Variants in MMP16 observed in about 807,000 individuals in gnomAD.
The protein encoded by MMP16 is matrix metalloproteinase-16.
A neutral mutation model predicts 67.8 loss-of-function variants in MMP16; 12 were observed. The observed-to-expected ratio is 0.18, with a 90% CI of 0.11 to 0.29. MMP16 has a LOEUF of 0.29. Among genes scored for constraint, MMP16 ranks in the 10% least tolerant of loss-of-function variants. The pLI is 1.00. For missense variants in MMP16, 475 were observed against 765.7 expected (o/e 0.62, Z 4.48); for synonymous variants, 249 against 255.9 (o/e 0.97, Z 0.26).
At chr8:88,254,248 G>A (rs1468739849) in intron 1 of MMP16, among the ~76,000 whole-genome samples, 3 of 152,054 alleles carry the variant, frequency 2.0e-5, no homozygotes, top group African/African-American at 7.2e-5. Context: ...TTATAAATGG[G>A]AGCTAAATGA....
rs529062970 is a variant in MMP16 at position 88,277,550 on chromosome 8, G to A, written c.132+49525C>T. 5.3e-5 allele frequency among the ~76,000 whole-genome samples: 8 copies of A among 152,192 alleles called. No individual in the cohort carries two copies. The South Asian group carries it at 6.2e-4, about 12-fold the overall frequency. ...CGACTATAGCTGAAACTGTGCTGCCGGCAGCTGTAATGGTTATTTTGAAAA... is the reference window on the plus strand; with the variant it reads ...CGACTATAGCTGAAACTGTGCTGCCAGCAGCTGTAATGGTTATTTTGAAAA... On this transcript the variant is annotated intron_variant, in intron 1 of 9. Coordinates refer to ENST00000286614, the MANE Select transcript of MMP16 (RefSeq NM_005941.5).
At chr8:88,304,992 A>C (rs941418601) in intron 1 of MMP16, among the ~76,000 whole-genome samples, 1 of 152,192 alleles carries the variant, frequency 6.6e-6, no homozygotes, top group African/African-American at 2.4e-5. Flanking sequence ...CAATTAAAAA[A>C]CACAGAATGA....
At position 88,167,873 on chromosome 8, in the gene MMP16, C is replaced by G; in HGVS notation, c.505G>C (p.Glu169Gln). 1 of 1,614,010 alleles carries G rather than the reference C, an allele frequency of 6.2e-7. No homozygotes were observed. The highest frequency in any genetic ancestry group is 8.5e-7 in the Non-Finnish European group (1 of 1,179,974). ...WQNVTPLTFEEVPYSELENGK... is the reference protein window; with the variant it reads ...WQNVTPLTFEQVPYSELENGK... ...TTTTCTAATTCACTGTAGGGAACTT[C>G]TTCAAATGTCAGAGGAGTTACATTC... Residue 169 changes from glutamate to glutamine, a missense_variant, in exon 4 of 10, where the codon GAA (glutamate) becomes CAA (glutamine). Glu to Gln is a conservative substitution (Grantham distance 29, BLOSUM62 2). Coordinates refer to ENST00000286614, the MANE Select transcript of MMP16 (RefSeq NM_005941.5).
At chr8:88,180,330 T>TA (rs71277979) in intron 3 of MMP16, among the ~76,000 whole-genome samples, 27,703 of 142,168 alleles carry the variant, frequency 0.19, 3,474 homozygotes, top group East Asian at 0.53. Flanking sequence ...CAGCACAGAG[T>TA]AAAAAAAAAC....
intron 9 of MMP16, among the ~76,000 whole-genome samples, chr8:88,045,402 GCT>G (rs1808186378): frequency 6.6e-6 from 1 of 151,584 alleles, no homozygotes; most frequent in Admixed American, 6.6e-5. Context: ...ACAGAGACTG[GCT>G]CTGTCACCCA....
intron 1 of MMP16, among the ~76,000 whole-genome samples, chr8:88,252,691 G>A (rs1365642188): frequency 1.3e-5 from 2 of 148,580 alleles, no homozygotes; most frequent in Non-Finnish European, 3.0e-5. Context: ...TAACAGACTT[G>A]CAGTAATTTA....
intron 1 of MMP16, among the ~76,000 whole-genome samples, chr8:88,269,958 ATTTACCT>A (rs1483015910): frequency 6.6e-6 from 1 of 152,208 alleles, no homozygotes; most frequent in Non-Finnish European, 1.5e-5. Context: ...CATAAAAAGT[ATTTACCT>A]TTTGTTTCTT....
chr8:88,071,224 T>A (rs532930582), intron 7 of MMP16, among the ~76,000 whole-genome samples: 1 of 152,148 alleles, frequency 6.6e-6, no homozygotes, highest in Non-Finnish European at 1.5e-5. Flanking sequence ...GGACATGTTA[T>A]GTTTATGTTT....
At position 88,041,325 on chromosome 8, in the gene MMP16, C is replaced by G. The variant is rs1352234629; in HGVS notation, c.*136G>C. On this transcript the variant is annotated 3_prime_UTR_variant, in exon 10 of 10. Transcript: ENST00000286614. The surrounding 1 kb of genome is among the most constrained non-coding windows in gnomAD (Gnocchi z 6.0). ...ACTCATGTGCAGGACCAGCAACCCT[C>G]TGGGTTTGAAAGGTCAGCCCCGAAT... 4.9e-6 allele frequency: 4 copies of G among 808,840 alleles called. No individual in the cohort carries two copies. Among genetic ancestry groups the G allele is most frequent in the Non-Finnish European group, 8.0e-6 (4 of 498,546 alleles). 50.1% of individuals were successfully genotyped at this position (808,840 alleles called of 1,614,324 possible). A position where few individuals can be genotyped will look rare whatever the true frequency, so the allele number is the denominator to read the frequency against.
chr8:88,053,093 G>A (rs1808290215), intron 8 of MMP16, among the ~76,000 whole-genome samples: 1 of 152,190 alleles, frequency 6.6e-6, no homozygotes, highest in African/African-American at 2.4e-5. Flanking sequence ...AATGAAATGA[G>A]TGCTAGGGTA....
chr8:88,081,667 T>C (rs1445644563), intron 6 of MMP16, among the ~76,000 whole-genome samples: 1 of 152,190 alleles, frequency 6.6e-6, no homozygotes, highest in Non-Finnish European at 1.5e-5. Context: ...GGGTATTTTA[T>C]GTAAATATTT....
Position 88,036,536 on chromosome 8 carries a change from G to A in MMP16, c.*4925C>T, listed in dbSNP as rs1450379569. The A allele has an allele frequency of 1.3e-5, 2 of 151,692 alleles. No homozygotes were observed. Among genetic ancestry groups the A allele is most frequent in the Non-Finnish European group, 3.0e-5 (2 of 67,784 alleles). 9.4% of individuals were successfully genotyped at this position (151,692 alleles called of 1,614,324 possible). ...AAGATATAACTGTTAAAAATTTTCT[G>A]ATGTAGTTATGATTCCCTCCTAGGC... is the stretch of plus-strand genomic sequence containing the variant. On this transcript the variant is annotated 3_prime_UTR_variant, in exon 10 of 10. Transcript: ENST00000286614.
At chr8:88,130,363 G>A (rs779485159) in intron 4 of MMP16, among the ~76,000 whole-genome samples, 28 of 151,646 alleles carry the variant, frequency 1.8e-4, no homozygotes, top group Non-Finnish European at 2.5e-4. Context: ...TCAGCATCTT[G>A]CAAAAGGATA....
chr8:88,311,290 G>C (rs1411102136), intron 1 of MMP16, among the ~76,000 whole-genome samples: 1 of 152,116 alleles, frequency 6.6e-6, no homozygotes, highest in Non-Finnish European at 1.5e-5. Context: ...ATACCTGCTA[G>C]AGCCGAGATC....
chr8:88,148,103 T>G (rs1411788652), intron 4 of MMP16, among the ~76,000 whole-genome samples: 1 of 152,218 alleles, frequency 6.6e-6, no homozygotes, highest in Non-Finnish European at 1.5e-5. Context: ...AGCCTGCTAT[T>G]CAATTTAATT....
chr8:88,173,302 T>C (rs1384990625), intron 3 of MMP16, among the ~76,000 whole-genome samples: 1 of 152,216 alleles, frequency 6.6e-6, no homozygotes, highest in East Asian at 1.9e-4. Context: ...TTCACTCACC[T>C]TGGCCTCCCA....
At chr8:88,149,065 G>C (rs988015687) in intron 4 of MMP16, among the ~76,000 whole-genome samples, 1 of 152,230 alleles carries the variant, frequency 6.6e-6, no homozygotes, top group Non-Finnish European at 1.5e-5. Context: ...CAAGGGGTCA[G>C]GGAGTTCCCT....
Position 88,206,469 on chromosome 8 carries a change from G to A in MMP16, c.133-9163C>T, listed in dbSNP as rs150461384. On this transcript the variant is annotated intron_variant, in intron 1 of 9. Coordinates refer to ENST00000286614, the MANE Select transcript of MMP16 (RefSeq NM_005941.5). ...CCAGAGATGTGCCTGTTAGGAAACC[G>A]CATGTCTAAAGGATCCCAGTCAGAG... is the stretch of plus-strand genomic sequence containing the variant. Among the ~76,000 whole-genome samples, 29 of 152,210 alleles carry A rather than the reference G, an allele frequency of 1.9e-4. 2 individuals are homozygous for A. Among genetic ancestry groups the A allele is most frequent in the Middle Eastern group, 3.4e-3 (1 of 294 alleles).
chr8:88,156,904 T>C, intron 4 of MMP16, among the ~76,000 whole-genome samples: 1 of 152,062 alleles, frequency 6.6e-6, no homozygotes, highest in East Asian at 1.9e-4. Flanking sequence ...GGGCAAAATA[T>C]GTATGAATTA....
Sources: allele counts gnomAD v4.1 joint callset (sites outside exome capture counted in the v4.1 genomes callset), GRCh38; gene constraint gnomAD v4.1.1; non-coding constraint Gnocchi (gnomAD v3.1); transcripts MANE v1.5; gene names NCBI Gene and HGNC (gene_info 2026-07-23, HGNC 2026-07-21).